The following FARS2 variants were observed in gnomAD, a reference collection of about 807,000 sequenced individuals.
FARS2 encodes phenylalanyl-tRNA synthetase 2, mitochondrial, also known as phenylalanine--tRNA ligase, mitochondrial.
In FARS2, 40 loss-of-function variants were observed where a neutral mutation model predicts 46.4. The ratio of observed to expected loss-of-function variants is 0.86; its 90% confidence interval spans 0.67 to 1.12. The LOEUF (loss-of-function observed/expected upper bound fraction) is 1.12, where lower values mean the gene tolerates loss of function less well. Among genes scored for constraint, FARS2 ranks in the 50% most tolerant of loss-of-function variants. FARS2 has a pLI of 0.00. For synonymous variants in FARS2, 234 were observed against 214.9 expected, an observed-to-expected ratio of 1.09 and a Z score of -0.78; for missense variants, 513 against 567.9, an observed-to-expected ratio of 0.90 and a Z score of 0.98.
chr6:5,589,333 G>T (rs1773791154), intron 5 of FARS2, among the ~76,000 whole-genome samples: 1 of 152,214 alleles, frequency 6.6e-6, no homozygotes, highest in African/African-American at 2.4e-5. Flanking sequence ...ACAGCACTTG[G>T]CAGGTAGCTA....
At position 5,427,114 on chromosome 6, in the gene FARS2, AT is replaced by A. The variant is rs142126746; in HGVS notation, c.773-3924del. ...TTTTAGTTGACACATCATTGTACAC[AT>A]TTATGGGGTACAGAGTGACATTTTA... On this transcript the variant is annotated intron_variant, in intron 3 of 6. Transcript: ENST00000274680. Among the ~76,000 whole-genome samples, 1,435 of 152,280 alleles carry A rather than the reference AT, an allele frequency of 9.4e-3. 22 individuals are homozygous for A. Among genetic ancestry groups the A allele is most frequent in the African/African-American group, 0.033 (1,358 of 41,552 alleles).
chr6:5,651,585 G>A (rs1356086738), intron 6 of FARS2, among the ~76,000 whole-genome samples: 2 of 152,200 alleles, frequency 1.3e-5, no homozygotes, highest in Non-Finnish European at 2.9e-5. Flanking sequence ...TCATCAGAGG[G>A]GGATCTGTTC....
chr6:5,521,905 A>G (rs1252675905), intron 4 of FARS2, among the ~76,000 whole-genome samples: 4 of 152,220 alleles, frequency 2.6e-5, no homozygotes, highest in Non-Finnish European at 5.9e-5. Flanking sequence ...GCTTAAGTGA[A>G]AAGTATATAA....
intron 2 of FARS2, among the ~76,000 whole-genome samples, chr6:5,377,008 A>T (rs976845801): frequency 4.0e-4 from 61 of 152,330 alleles, no homozygotes; most frequent in African/African-American, 1.4e-3. Context: ...ACTTTTTAGG[A>T]GCATAGAAGG....
intron 1 of FARS2, among the ~76,000 whole-genome samples, chr6:5,330,890 G>A (rs918876992): frequency 6.6e-6 from 1 of 152,072 alleles, no homozygotes; most frequent in African/African-American, 2.4e-5. Context: ...ACGATTGCTT[G>A]AACTCAGGAG....
At chr6:5,453,262 A>G (rs1764611251) in intron 4 of FARS2, among the ~76,000 whole-genome samples, 1 of 152,366 alleles carries the variant, frequency 6.6e-6, no homozygotes, top group East Asian at 1.9e-4. Flanking sequence ...GGAAAATAAG[A>G]ATATGAAAAT....
intron 5 of FARS2, among the ~76,000 whole-genome samples, chr6:5,594,760 TGG>T (rs1210002853): frequency 6.6e-6 from 1 of 152,154 alleles, no homozygotes; most frequent in East Asian, 1.9e-4. Context: ...CCCGTGGGGC[TGG>T]GACCCACCTC....
At chr6:5,559,427 TA>T (rs1771864834) in intron 5 of FARS2, among the ~76,000 whole-genome samples, 2 of 152,106 alleles carry the variant, frequency 1.3e-5, no homozygotes, top group South Asian at 4.2e-4. Context: ...AAAAAAACAG[TA>T]AAAACATTAG....
chr6:5,744,710 T>C (rs1427717605), intron 6 of FARS2, among the ~76,000 whole-genome samples: 1 of 152,170 alleles, frequency 6.6e-6, no homozygotes, highest in African/African-American at 2.4e-5. Flanking sequence ...AGGGCAAGTG[T>C]TCAGTGGCTT....
intron 5 of FARS2, among the ~76,000 whole-genome samples, chr6:5,610,764 T>C (rs1048772646): frequency 3.3e-5 from 5 of 152,344 alleles, no homozygotes; most frequent in African/African-American, 1.2e-4. Context: ...GATTCTAAAA[T>C]TCCACAATTC....
intron 2 of FARS2, among the ~76,000 whole-genome samples, chr6:5,377,840 G>A (rs1337185360): frequency 6.6e-6 from 1 of 152,132 alleles, no homozygotes; most frequent in Non-Finnish European, 1.5e-5. Context: ...AGTATTTTAA[G>A]CATATGCCTG....
intron 6 of FARS2, among the ~76,000 whole-genome samples, chr6:5,635,922 G>C (rs1240832835): frequency 6.6e-6 from 1 of 152,066 alleles, no homozygotes; most frequent in Non-Finnish European, 1.5e-5. Flanking sequence ...ATATTTCTAG[G>C]ATATGACACT....
rs528976715 is a variant in FARS2, at chr6:5,282,481, G to C, written c.-22+20821G>C. On this transcript the variant is annotated intron_variant, in intron 1 of 6. Coordinates refer to ENST00000274680, the MANE Select transcript of FARS2 (RefSeq NM_006567.5). ...GAGCCATTTTAGCCGGTGCATATGG[G>C]GAAGGGAGACAATCATGACATGGGC... Among the ~76,000 whole-genome samples, 5 of 152,332 alleles carry C rather than the reference G, an allele frequency of 3.3e-5. No homozygotes were observed. The East Asian group carries it at 9.6e-4, about 29-fold the overall frequency.
chr6:5,597,546 C>G (rs1774267030), intron 5 of FARS2, among the ~76,000 whole-genome samples: 1 of 152,228 alleles, frequency 6.6e-6, no homozygotes, highest in South Asian at 2.1e-4. Flanking sequence ...CGCCTGAGCT[C>G]AGAGCCGGCC....
chr6:5,466,272 C>T (rs1490425925), intron 4 of FARS2, among the ~76,000 whole-genome samples: 1 of 152,210 alleles, frequency 6.6e-6, no homozygotes, highest in Admixed American at 6.5e-5. Flanking sequence ...CTCTGCCCCT[C>T]CTTTTCCATT....
chr6:5,350,868 A>T (rs74450560), intron 1 of FARS2, among the ~76,000 whole-genome samples: 5,610 of 152,302 alleles, frequency 0.037, 312 homozygotes, highest in African/African-American at 0.12. Flanking sequence ...AGTTTCATTA[A>T]AATAATCCCC....
At chr6:5,464,933 A>G (rs1470548343) in intron 4 of FARS2, among the ~76,000 whole-genome samples, 3 of 152,232 alleles carry the variant, frequency 2.0e-5, no homozygotes, top group Non-Finnish European at 4.4e-5. Context: ...GAAGAGAACA[A>G]CTAGAGGAGT....
intron 4 of FARS2, among the ~76,000 whole-genome samples, chr6:5,432,208 C>T (rs1029161460): frequency 8.2e-5 from 12 of 146,344 alleles, no homozygotes; most frequent in Non-Finnish European, 1.3e-4. Context: ...CCCAGCTACT[C>T]GGGAGGCTGA....
chr6:5,665,912 GA>G (rs1452942336), intron 6 of FARS2, among the ~76,000 whole-genome samples: 3 of 152,292 alleles, frequency 2.0e-5, no homozygotes, highest in Middle Eastern at 3.4e-3. Context: ...ACCCTTCCTT[GA>G]GTGGGAGGAG....
Sources: allele counts gnomAD v4.1 joint callset (sites outside exome capture counted in the v4.1 genomes callset), GRCh38; gene constraint gnomAD v4.1.1; transcripts MANE v1.5; gene names NCBI Gene and HGNC (gene_info 2026-07-23, HGNC 2026-07-21).